MRTFA: variants seen among roughly 807,000 people sequenced by gnomAD.
MRTFA encodes the protein myocardin related transcription factor A, also known as myocardin-related transcription factor A.
A neutral mutation model predicts 83.5 loss-of-function variants in MRTFA; 20 were observed. The observed-to-expected ratio is 0.24, with a 90% CI of 0.17 to 0.35. MRTFA has a LOEUF of 0.35. Among genes scored for constraint, MRTFA ranks in the 10% least tolerant of loss-of-function variants. The pLI is 1.00. For missense variants in MRTFA, 1,200 were observed against 1,224.7 expected (o/e 0.98, Z 0.30); for synonymous variants, 659 against 541.2 (o/e 1.22, Z -3.02).
intron 2 of MRTFA, among the ~76,000 whole-genome samples, chr22:40,557,034 C>T (rs186305780): frequency 1.3e-5 from 2 of 152,178 alleles, no homozygotes; most frequent in Non-Finnish European, 2.9e-5. Flanking sequence ...AGAGTTCAGA[C>T]CTCTCATAAG....
chr22:40,629,214 C>T (rs569332304), intron 1 of MRTFA, among the ~76,000 whole-genome samples: 5 of 151,944 alleles, frequency 3.3e-5, no homozygotes, highest in Admixed American at 6.6e-5. Flanking sequence ...GAGGCCGAGG[C>T]GGGCGGATCA....
chr22:40,417,822 T>A, intron 12 of MRTFA: 1 of 303,702 alleles, frequency 3.3e-6, no homozygotes, highest in South Asian at 4.5e-5. Context: ...AGGTACCTGT[T>A]CCTGTCACTG....
At chr22:40,526,946 A>C (rs2054985448) in intron 3 of MRTFA, among the ~76,000 whole-genome samples, 1 of 152,000 alleles carries the variant, frequency 6.6e-6, no homozygotes, top group Non-Finnish European at 1.5e-5. Context: ...CAAAAAATAA[A>C]AAACTTATTG....
chr22:40,629,611 A>G (rs1448779038), intron 1 of MRTFA, among the ~76,000 whole-genome samples: 2 of 150,538 alleles, frequency 1.3e-5, no homozygotes, highest in Non-Finnish European at 3.0e-5. Flanking sequence ...AAAAAAATAT[A>G]TACATATACA....
At chr22:40,502,512 G>A (rs1281202585) in intron 3 of MRTFA, among the ~76,000 whole-genome samples, 2 of 143,464 alleles carry the variant, frequency 1.4e-5, no homozygotes, top group East Asian at 2.3e-4. Context: ...TGGCGGCTGC[G>A]CTCCTCACTT....
chr22:40,582,665 T>TACACAC (rs3044561), intron 2 of MRTFA, among the ~76,000 whole-genome samples: 21 of 143,026 alleles, frequency 1.5e-4, no homozygotes, highest in African/African-American at 4.3e-4. Flanking sequence ...TATACACACA[T>TACACAC]ACACACACAC....
chr22:40,552,548 C>CT (rs1458916364), intron 2 of MRTFA, among the ~76,000 whole-genome samples, 181 bp from the exon 3 acceptor site: 1 of 152,150 alleles, frequency 6.6e-6, no homozygotes, highest in Non-Finnish European at 1.5e-5. Flanking sequence ...CTCATGAGTT[C>CT]TCACAAGATC....
intron 3 of MRTFA, among the ~76,000 whole-genome samples, chr22:40,530,600 T>C (rs2055061914): frequency 6.6e-6 from 1 of 152,262 alleles, no homozygotes; most frequent in South Asian, 2.1e-4. Flanking sequence ...CCCGGCCCCA[T>C]AATGTCCATC....
At chr22:40,624,090 G>A (rs1219705766) in intron 1 of MRTFA, among the ~76,000 whole-genome samples, 2 of 151,944 alleles carry the variant, frequency 1.3e-5, no homozygotes, top group Non-Finnish European at 2.9e-5. Context: ...AGAAATGGAG[G>A]AAGATCCTGT....
intron 9 of MRTFA, among the ~76,000 whole-genome samples, chr22:40,421,722 A>T (rs1226936103): frequency 1.3e-5 from 2 of 152,186 alleles, no homozygotes; most frequent in Non-Finnish European, 2.9e-5. Flanking sequence ...AAGGGCCAGT[A>T]GGTGATATAT....
At chr22:40,566,795 T>G (rs932202578) in intron 2 of MRTFA, among the ~76,000 whole-genome samples, 1 of 152,144 alleles carries the variant, frequency 6.6e-6, no homozygotes, top group Non-Finnish European at 1.5e-5. Flanking sequence ...ATCACACCAC[T>G]GCACCCTCGC....
chr22:40,568,575 G>T (rs935724944), intron 2 of MRTFA, among the ~76,000 whole-genome samples: 2 of 152,134 alleles, frequency 1.3e-5, no homozygotes, highest in African/African-American at 4.8e-5. Flanking sequence ...CAAATAAAAT[G>T]CAACAGATAT....
intron 1 of MRTFA, among the ~76,000 whole-genome samples, chr22:40,605,352 A>G (rs2056307443): frequency 6.6e-6 from 1 of 152,196 alleles, no homozygotes; most frequent in Admixed American, 6.5e-5. Context: ...TTGTGGGCAG[A>G]AAGTGCCAAC....
At chr22:40,440,646 T>C (rs889741707) in intron 4 of MRTFA, among the ~76,000 whole-genome samples, 9 of 152,176 alleles carry the variant, frequency 5.9e-5, no homozygotes, top group Admixed American at 3.9e-4. Flanking sequence ...GTGCTCTTGG[T>C]GCACTGGGGT....
At chr22:40,466,397 A>G (rs1166913158) in intron 3 of MRTFA, among the ~76,000 whole-genome samples, 1 of 152,200 alleles carries the variant, frequency 6.6e-6, no homozygotes, top group Non-Finnish European at 1.5e-5. Flanking sequence ...GACCTTTAAA[A>G]GTTTGCCTTC....
At chr22:40,459,840 T>C (rs1232862737) in intron 4 of MRTFA, among the ~76,000 whole-genome samples, 29 of 135,244 alleles carry the variant, frequency 2.1e-4, no homozygotes, top group East Asian at 1.1e-3. Context: ...CATATATATA[T>C]ATATATATAT....
At chr22:40,463,399 G>A (rs1157875546) in intron 3 of MRTFA, 113 bp from the exon 4 acceptor site, 2 of 849,418 alleles carry the variant, frequency 2.4e-6, no homozygotes, top group African/African-American at 3.4e-5. Context: ...TAGTGTGAAA[G>A]AAGGGTCCCC....
intron 3 of MRTFA, among the ~76,000 whole-genome samples, chr22:40,494,679 T>TAAAAA (rs35391015): frequency 7.3e-6 from 1 of 137,026 alleles, no homozygotes; most frequent in Non-Finnish European, 1.6e-5. Context: ...AGACTCTGTC[T>TAAAAA]AAAAAAAAAA....
At chr22:40,529,029 C>A (rs970166264) in intron 3 of MRTFA, among the ~76,000 whole-genome samples, 1 of 152,166 alleles carries the variant, frequency 6.6e-6, no homozygotes, top group Admixed American at 6.5e-5. Context: ...TGGAGTTTTT[C>A]GTCAGTTCTA....
Sources: allele counts gnomAD v4.1 joint callset (sites outside exome capture counted in the v4.1 genomes callset), GRCh38; gene constraint gnomAD v4.1.1; transcripts MANE v1.5; gene names NCBI Gene and HGNC (gene_info 2026-07-23, HGNC 2026-07-21).